Variants in ADAMDEC1 observed in about 807,000 individuals in gnomAD.
The protein encoded by ADAMDEC1 is ADAM DEC1.
Under a neutral mutation model 60.4 loss-of-function variants are expected in ADAMDEC1, and 62 were observed. That is an observed-to-expected ratio of 1.03 (90% CI 0.84 to 1.27). The LOEUF is 1.27. Among genes scored for constraint, ADAMDEC1 ranks in the 50% most tolerant of loss-of-function variants. ADAMDEC1 has a pLI of 0.00. For synonymous variants in ADAMDEC1, 210 were observed against 195.1 expected (o/e 1.08, Z -0.64); for missense variants, 595 against 565.0 (o/e 1.05, Z -0.54).
At position 24,405,867 on chromosome 8, in the gene ADAMDEC1, A is replaced by G. The variant is rs1817876276; in HGVS notation, c.*569A>G. The G allele has an allele frequency of 1.3e-5, 2 of 152,376 alleles. No individual in the cohort carries two copies. 9.4% of individuals were successfully genotyped at this position (152,376 alleles called of 1,614,324 possible). A position where few individuals can be genotyped will look rare whatever the true frequency, so the allele number is the denominator to read the frequency against. ...CAATGTAAATATTTTTCATTTTATC[A>G]TGTATATCCTATACACACATCTCCT... On this transcript the variant is annotated 3_prime_UTR_variant, in exon 14 of 14. Coordinates refer to ENST00000256412, the MANE Select transcript of ADAMDEC1 (RefSeq NM_014479.3).
Position 24,397,341 on chromosome 8 carries a change from C to T in ADAMDEC1, c.512C>T (p.Ala171Val). ...AAAAGCACAGACGAGAAAGAACATG[C>T]CGTCTTTACATCTAACCAGGAGGAA... ...PLKSTDEKEHAVFTSNQEEQD... is the reference protein window; with the variant it reads ...PLKSTDEKEHVVFTSNQEEQD... The change falls in exon 6 of 14, where the codon GCC becomes GTC. Residue 171 changes from alanine to valine, a missense_variant. By Grantham distance (64) the Ala-to-Val change is moderately conservative. Transcript: ENST00000256412. 6.2e-7 allele frequency: 1 copy of T among 1,613,954 alleles called. No individual in the cohort carries two copies. Among genetic ancestry groups the T allele is most frequent in the Non-Finnish European group, 8.5e-7 (1 of 1,179,928 alleles).
chr8:24,393,057 C>A (rs750815512), intron 2 of ADAMDEC1, among the ~76,000 whole-genome samples: 8 of 151,842 alleles, frequency 5.3e-5, no homozygotes, highest in Admixed American at 2.0e-4. Flanking sequence ...CTAGTTTAAT[C>A]TATAAGTGTT....
chr8:24,390,118 T>C (rs994250252), intron 1 of ADAMDEC1: 1 of 547,772 alleles, frequency 1.8e-6, no homozygotes, highest in South Asian at 1.5e-5. Context: ...TTATTTTATT[T>C]AACCTGACAG....
At chr8:24,404,818 A>C (rs116797621) in intron 13 of ADAMDEC1, among the ~76,000 whole-genome samples, 2,589 of 152,294 alleles carry the variant, frequency 0.017, 78 homozygotes, top group African/African-American at 0.06. Flanking sequence ...GGGAATGGAT[A>C]GGCAAGGTCA....
At chr8:24,398,603 T>A in intron 8 of ADAMDEC1, 52 bp downstream of exon 8, 1 of 1,289,294 alleles carries the variant, frequency 7.8e-7, no homozygotes, top group Non-Finnish European at 1.1e-6. Context: ...AAGTTCTGCC[T>A]GGAACTTCCC....
At position 24,399,050 on chromosome 8, in the gene ADAMDEC1, T is replaced by A. The variant is rs773929835; in HGVS notation, c.929+10T>A. 6.2e-7 allele frequency: 1 copy of A among 1,608,914 alleles called. No homozygotes were observed. The highest frequency in any genetic ancestry group is 8.5e-7 in the Non-Finnish European group (1 of 1,177,578). ...ATGCTCAGCTTCTCAGGTGAGCACATGCTGGCCAGGTGAATGTAGGCAGAA... is the reference window on the plus strand; with the variant it reads ...ATGCTCAGCTTCTCAGGTGAGCACAAGCTGGCCAGGTGAATGTAGGCAGAA... On this transcript the variant is annotated intron_variant, in intron 9 of 13. Transcript: ENST00000256412.
intron 3 of ADAMDEC1, 33 bp downstream of exon 3, chr8:24,393,371 G>T: frequency 7.0e-7 from 1 of 1,437,332 alleles, no homozygotes; most frequent in South Asian, 1.2e-5. Context: ...CTAATCACTG[G>T]ATTAGGTTAT....
chr8:24,389,945 A>G (rs979466014), intron 1 of ADAMDEC1, among the ~76,000 whole-genome samples: 5 of 152,120 alleles, frequency 3.3e-5, no homozygotes, highest in African/African-American at 1.2e-4. Flanking sequence ...AGCATTCACA[A>G]TCTCCTTTAC....
At chr8:24,392,154 G>T in intron 1 of ADAMDEC1, 108 bp from the exon 2 acceptor site, 1 of 690,536 alleles carries the variant, frequency 1.4e-6, no homozygotes, top group Non-Finnish European at 2.5e-6. Context: ...ACATAGGAAT[G>T]TAGTCTTCAC....
At chr8:24,389,566 A>G (rs1817384413) in intron 1 of ADAMDEC1, among the ~76,000 whole-genome samples, 1 of 152,030 alleles carries the variant, frequency 6.6e-6, no homozygotes. Context: ...TATTAAACAA[A>G]AGTCAGATTA....
chr8:24,403,305 T>A (rs932007665), intron 12 of ADAMDEC1, among the ~76,000 whole-genome samples: 1 of 152,094 alleles, frequency 6.6e-6, no homozygotes, highest in Non-Finnish European at 1.5e-5. Context: ...TATTGAGTAA[T>A]CCAATTTCTC....
chr8:24,386,807 C>T (rs983992522), intron 1 of ADAMDEC1, among the ~76,000 whole-genome samples: 1 of 152,190 alleles, frequency 6.6e-6, no homozygotes, highest in African/African-American at 2.4e-5. Context: ...CCGGGTCTGT[C>T]CCGCAGACCC....
intron 13 of ADAMDEC1, among the ~76,000 whole-genome samples, chr8:24,404,805 A>G (rs1020946240): frequency 6.6e-6 from 1 of 152,214 alleles, no homozygotes; most frequent in Non-Finnish European, 1.5e-5. Flanking sequence ...TTATCATTTC[A>G]TAGGGAATGG....
rs1234973347 is a variant in ADAMDEC1, at chr8:24,395,810, T to C, written c.440+14T>C. On this transcript the variant is annotated intron_variant, in intron 5 of 13. Coordinates refer to ENST00000256412, the MANE Select transcript of ADAMDEC1 (RefSeq NM_014479.3). Reference sequence around the variant, plus strand: ...TGACGGGTTGAGGTAAGAACTACCATCAAAATTACTCAAGATCAAGAAGCT... The same window carrying C: ...TGACGGGTTGAGGTAAGAACTACCACCAAAATTACTCAAGATCAAGAAGCT... 3.2e-6 allele frequency: 5 copies of C among 1,587,112 alleles called. 1 individual carries two copies. Among genetic ancestry groups the C allele is most frequent in the Admixed American group, 3.4e-5 (2 of 58,990 alleles).
At position 24,384,689 on chromosome 8, in the gene ADAMDEC1, C is replaced by A; in HGVS notation, c.88+97C>A. On this transcript the variant is annotated intron_variant, in intron 1 of 13. Transcript: ENST00000256412. The stretch of plus-strand genomic sequence containing the variant: ...AAAAAATGGCATATGTTTTTATGGT[C>A]GAAAGACCATTACCATTTGCATTTT... 4.5e-6 allele frequency: 5 copies of A among 1,117,646 alleles called. No homozygotes were observed. The South Asian group carries it at 6.3e-5, about 14-fold the overall frequency. 69.2% of individuals were successfully genotyped at this position (1,117,646 alleles called of 1,614,324 possible).
chr8:24,397,655 T>C, intron 6 of ADAMDEC1, 28 bp from the exon 7 acceptor site: 1 of 1,596,002 alleles, frequency 6.3e-7, no homozygotes, highest in South Asian at 1.1e-5. Context: ...AGATAATGAT[T>C]AACAATGTTC....
chr8:24,392,694 C>T (rs910452430), intron 2 of ADAMDEC1, among the ~76,000 whole-genome samples: 1 of 152,138 alleles, frequency 6.6e-6, no homozygotes, highest in African/African-American at 2.4e-5. Context: ...CCTGGCAAGC[C>T]TCACCACCCC....
Position 24,399,455 on chromosome 8 carries a change from C to T in ADAMDEC1, c.992C>T (p.Ser331Phe), listed in dbSNP as rs748604083. The change falls in exon 10 of 14, where the codon TCT becomes TTT. Residue 331 changes from serine (S) to phenylalanine (F), a missense_variant. Ser to Phe is a radical substitution (Grantham distance 155). Transcript: ENST00000256412. ...GCTTCAAATTCCTTGTGTTCCCCAT[C>T]TTCGGTTGCTGTTATTGAGGTTTGT... ...LAASNSLCSPSSVAVIEAKKK... is the reference protein window; with the variant it reads ...LAASNSLCSPFSVAVIEAKKK... The T allele has an allele frequency of 9.9e-6, 16 of 1,613,640 alleles. No individual in the cohort carries two copies. In the African/African-American group the frequency reaches 2.0e-4, roughly 20 times the overall value.
chr8:24,397,678 TAAAG>T lies in ADAMDEC1; in HGVS notation c.630_633del. The T allele has an allele frequency of 3.1e-6, 5 of 1,610,116 alleles. No homozygotes were observed. The highest frequency in any genetic ancestry group is 1.3e-5 in the African/African-American group (1 of 74,966). On this transcript the variant is annotated splice_acceptor_variant and splice_polypyrimidine_tract_variant and intron_variant, in intron 6 of 13. Transcript: ENST00000256412. LOFTEE classifies it high-confidence loss of function. Reference sequence around the variant, plus strand: ...ATTAACAATGTTCTTTTATTCTTTGTAAAGAAAGAAGACTTTCTTCGGGCACAGA... The same window carrying T: ...ATTAACAATGTTCTTTTATTCTTTGTAAAGAAGACTTTCTTCGGGCACAGA...
Sources: allele counts gnomAD v4.1 joint callset (sites outside exome capture counted in the v4.1 genomes callset), GRCh38; gene constraint gnomAD v4.1.1; transcripts MANE v1.5; gene names NCBI Gene and HGNC (gene_info 2026-07-23, HGNC 2026-07-21).